POC1B: variants seen among roughly 807,000 people sequenced by gnomAD.
The protein encoded by POC1B is POC1 centriolar protein homolog B.
In POC1B, 44 loss-of-function variants were observed where a neutral mutation model predicts 60.6. That is an observed-to-expected ratio of 0.73 (90% CI 0.57 to 0.93). The LOEUF (loss-of-function observed/expected upper bound fraction) is 0.93, where lower values mean the gene tolerates loss of function less well. Among genes scored for constraint, POC1B ranks in the 40% least tolerant of loss-of-function variants. The probability of loss-of-function intolerance (pLI) is 0.00; values close to 1 mark genes in which losing one functional copy is unlikely to be tolerated. For missense variants in POC1B, 555 were observed against 572.3 expected (o/e 0.97, Z 0.31); for synonymous variants, 180 against 198.9 (o/e 0.90, Z 0.80).
At chr12:89,506,030 A>G (rs747604895) in intron 2 of POC1B, among the ~76,000 whole-genome samples, 61 of 152,366 alleles carry the variant, frequency 4.0e-4, no homozygotes, top group Admixed American at 1.8e-3. Flanking sequence ...GAGAAAGACC[A>G]GAAAAGGAGA....
At chr12:89,402,347 A>G in the POC1B span, among the ~76,000 whole-genome samples, 1 of 149,702 alleles carries the variant, frequency 6.7e-6, no homozygotes, top group South Asian at 2.1e-4. Flanking sequence ...ATACACACAC[A>G]CACACACACA....
intron 10 of POC1B, among the ~76,000 whole-genome samples, chr12:89,451,905 C>G (rs1243052017): frequency 6.6e-6 from 1 of 152,100 alleles, no homozygotes; most frequent in Non-Finnish European, 1.5e-5. Context: ...CTCCAACAGC[C>G]CCACAAATGG....
intron 4 of POC1B, 51 bp downstream of exon 4, chr12:89,491,885 T>A: frequency 2.9e-6 from 4 of 1,403,274 alleles, no homozygotes; most frequent in Non-Finnish European, 3.8e-6. Context: ...GGGGCAAACA[T>A]GAAGCAGAAA....
chr12:89,524,840 C>T (rs1871281242), intron 2 of POC1B: 1 of 617,730 alleles, frequency 1.6e-6, no homozygotes. Flanking sequence ...AGAAACCCCT[C>T]CCCTTCCCAC....
intron 4 of POC1B, among the ~76,000 whole-genome samples, chr12:89,477,409 T>C (rs35354627): frequency 0.027 from 4,145 of 152,178 alleles, 84 homozygotes; most frequent in Admixed American, 0.053. Flanking sequence ...CAGAATTCCT[T>C]CCTGGAATCT....
intron 4 of POC1B, among the ~76,000 whole-genome samples, chr12:89,486,972 T>C (rs1221848229): frequency 6.6e-6 from 1 of 152,040 alleles, no homozygotes; most frequent in Non-Finnish European, 1.5e-5. Context: ...CTTTCAGGTA[T>C]GGCTGTATCC....
intron 9 of POC1B, among the ~76,000 whole-genome samples, chr12:89,464,639 C>T (rs1416009111): frequency 6.6e-6 from 1 of 151,408 alleles, no homozygotes; most frequent in Non-Finnish European, 1.5e-5. Flanking sequence ...AGGCACGCGC[C>T]ACCACACCCA....
chr12:89,495,668 T>C (rs1447263239), intron 3 of POC1B, among the ~76,000 whole-genome samples: 1 of 152,160 alleles, frequency 6.6e-6, no homozygotes, highest in Non-Finnish European at 1.5e-5. Flanking sequence ...GAAGACCATT[T>C]TTCCATGGGA....
chr12:89,496,209 T>C (rs1416430877), intron 3 of POC1B, among the ~76,000 whole-genome samples: 1 of 152,084 alleles, frequency 6.6e-6, no homozygotes, highest in Admixed American at 6.6e-5. Flanking sequence ...GTGTGCAACC[T>C]AGATCCCTCG....
At chr12:89,499,535 C>T (rs1592629864) in intron 2 of POC1B, among the ~76,000 whole-genome samples, 3 of 151,738 alleles carry the variant, frequency 2.0e-5, no homozygotes, top group African/African-American at 4.8e-5. Context: ...AAAAAACCTG[C>T]GATGGGAAAC....
At chr12:89,413,990 C>G in the POC1B span, among the ~76,000 whole-genome samples, 1 of 152,166 alleles carries the variant, frequency 6.6e-6, no homozygotes, top group African/African-American at 2.4e-5. Context: ...CTCCCAGGCT[C>G]AAACAATTCT....
At chr12:89,481,971 AC>A (rs1345631563) in intron 4 of POC1B, among the ~76,000 whole-genome samples, 5 of 152,168 alleles carry the variant, frequency 3.3e-5, no homozygotes. Context: ...TTAATTTCAT[AC>A]CAGAACAAAA....
chr12:89,472,272 A>T lies in POC1B; in HGVS notation c.456T>A (p.Phe152Leu). The change falls in exon 5 of 12, where the codon TTT becomes TTA. Residue 152 changes from phenylalanine (F) to leucine (L), a missense_variant. Physicochemically the swap from Phe to Leu is conservative, Grantham distance 22. Transcript: ENST00000313546. ...ACACAATTAGTCTTCCATCGGGTGA[A>T]AATCTAGAAAGAAGAAGAAAGAAGA... The part of the protein sequence containing the change: ...RHTHWVRCAK[F>L]SPDGRLIVSC... 1 of 1,538,726 alleles carries T rather than the reference A, an allele frequency of 6.5e-7. No homozygotes were observed. The highest frequency in any genetic ancestry group is 8.8e-7 in the Non-Finnish European group (1 of 1,139,034).
chr12:89,421,463 G>C (rs2120631674), intron 11 of POC1B, among the ~76,000 whole-genome samples: 1 of 152,084 alleles, frequency 6.6e-6, no homozygotes, highest in South Asian at 2.1e-4. Flanking sequence ...GAAAAGAAAA[G>C]AAAAAGAAAA....
rs576930281 is a variant in POC1B at position 89,525,741 on chromosome 12, C to T, written c.15+140G>A. 5.4e-4 allele frequency: 710 copies of T among 1,306,718 alleles called. 2 individuals carry two copies. The African/African-American group carries it at 7.8e-3, about 14-fold the overall frequency. 80.9% of individuals were successfully genotyped at this position (1,306,718 alleles called of 1,614,324 possible). A position where few individuals can be genotyped will look rare whatever the true frequency, so the allele number is the denominator to read the frequency against. On this transcript the variant is annotated intron_variant, in intron 1 of 11. Transcript: ENST00000313546. Reference sequence around the variant, plus strand: ...ATGGCAGAGAGTGAGATACGGACGCCCCGGGACGAGGGGCTCAGGACCCGG... The same window carrying T: ...ATGGCAGAGAGTGAGATACGGACGCTCCGGGACGAGGGGCTCAGGACCCGG...
At chr12:89,412,854 T>TCCTTCCTTTCCTTCCTC in the POC1B span, among the ~76,000 whole-genome samples, 3,066 of 129,330 alleles carry the variant, frequency 0.024, 67 homozygotes, top group African/African-American at 0.048. Flanking sequence ...TTCCTTTCCT[T>TCCTTCCTTTCCTTCCTC]CCTCCCTCCC....
chr12:89,430,951 TA>T (rs1320018643), intron 10 of POC1B, among the ~76,000 whole-genome samples: 1 of 152,142 alleles, frequency 6.6e-6, no homozygotes, highest in Admixed American at 6.5e-5. Flanking sequence ...CATTTTCTAT[TA>T]AAAATTACAA....
chr12:89,443,031 T>A (rs1356846496), intron 10 of POC1B, among the ~76,000 whole-genome samples: 2 of 152,138 alleles, frequency 1.3e-5, no homozygotes, highest in African/African-American at 4.8e-5. Context: ...GGTCAAGGGA[T>A]CAATCCAACA....
the POC1B span, among the ~76,000 whole-genome samples, chr12:89,412,863 C>CCTCT: frequency 1.2e-3 from 180 of 146,216 alleles, no homozygotes; most frequent in Non-Finnish European, 2.1e-3. Context: ...TTCCTCCCTC[C>CCTCT]CTTCCTTCCT....
Sources: allele counts gnomAD v4.1 joint callset (sites outside exome capture counted in the v4.1 genomes callset), GRCh38; gene constraint gnomAD v4.1.1; transcripts MANE v1.5; gene names NCBI Gene and HGNC (gene_info 2026-07-23, HGNC 2026-07-21).